QTGAL: variants seen among roughly 807,000 people sequenced by gnomAD.
QTGAL encodes queuosine-tRNA galactosyltransferase.
chr17:83,035,860 GGGC>G, the QTGAL span, among the ~76,000 whole-genome samples: 2 of 131,536 alleles, frequency 1.5e-5, no homozygotes, highest in South Asian at 2.5e-4. Flanking sequence ...GACCCTCGGA[GGGC>G]GGTTTGCACG....
chr17:82,972,355 C>T, the QTGAL span, among the ~76,000 whole-genome samples: 3,408 of 100,874 alleles, frequency 0.034, no homozygotes, highest in Non-Finnish European at 0.042. Flanking sequence ...CACCACACCA[C>T]AGGGGATAGA....
At chr17:83,032,330 G>C in the QTGAL span, among the ~76,000 whole-genome samples, 1 of 134,012 alleles carries the variant, frequency 7.5e-6, no homozygotes, top group Admixed American at 7.5e-5. Flanking sequence ...GACGCAGACC[G>C]AACTCGGGAG....
chr17:82,970,598 G>GCGTGGACGCGACCTCCCCACCCA, the QTGAL span, among the ~76,000 whole-genome samples: 2 of 72,554 alleles, frequency 2.8e-5, no homozygotes, highest in Admixed American at 1.5e-4. Flanking sequence ...CTCCGCACCC[G>GCGTGGACGCGACCTCCCCACCCA]GCGTGGCCGC....
At chr17:82,971,429 G>A in the QTGAL span, among the ~76,000 whole-genome samples, 21 of 152,284 alleles carry the variant, frequency 1.4e-4, no homozygotes, top group African/African-American at 4.3e-4. Context: ...ATGGGCAAGC[G>A]CTGGGGTGGG....
the QTGAL span, chr17:83,005,203 C>G: frequency 6.2e-7 from 1 of 1,605,702 alleles, no homozygotes; most frequent in Non-Finnish European, 8.5e-7. The surrounding 1 kb of genome is among the most constrained non-coding windows in gnomAD (Gnocchi z 5.6). Flanking sequence ...CACTCTGCAA[C>G]CAATGATCTG....
At chr17:82,976,855 CA>C in the QTGAL span, among the ~76,000 whole-genome samples, 2 of 31,470 alleles carry the variant, frequency 6.4e-5, 1 homozygote, top group East Asian at 3.1e-3. Flanking sequence ...TCCATCCTCC[CA>C]GGGACCAGAG....
the QTGAL span, chr17:82,949,915 G>C: frequency 1.3e-5 from 2 of 152,194 alleles, no homozygotes; most frequent in African/African-American, 4.8e-5. Flanking sequence ...TTGGAGGTGT[G>C]GAGGACACAT....
chr17:82,957,194 T>C, the QTGAL span: 1 of 1,614,188 alleles, frequency 6.2e-7, no homozygotes. Context: ...AGAGTCCTCG[T>C]GGCAATAGAA....
chr17:83,032,659 TTGGA>T, the QTGAL span, among the ~76,000 whole-genome samples: 305 of 152,328 alleles, frequency 2.0e-3, no homozygotes, highest in African/African-American at 6.4e-3. Flanking sequence ...GAGGAAAACA[TTGGA>T]TGGACCATCT....
the QTGAL span, among the ~76,000 whole-genome samples, chr17:82,956,197 G>A: frequency 2.0e-5 from 3 of 151,652 alleles, no homozygotes; most frequent in Admixed American, 6.6e-5. This position sits in a 1 kb window ranked among gnomAD's most constrained non-coding sequence, Gnocchi z 5.7. Context: ...TCAGCCCCCC[G>A]CAGCCAGCCT....
chr17:83,051,488 G>C, the QTGAL span, among the ~76,000 whole-genome samples: 1 of 152,212 alleles, frequency 6.6e-6, no homozygotes, highest in Middle Eastern at 3.2e-3. Flanking sequence ...TCGCGGGACG[G>C]GGGCAGGAAG....
chr17:82,958,706 C>T, the QTGAL span, among the ~76,000 whole-genome samples: 1 of 152,142 alleles, frequency 6.6e-6, no homozygotes, highest in Non-Finnish European at 1.5e-5. Context: ...TTTTCCTCCC[C>T]AACCCTCTGC....
chr17:82,957,526 G>A, the QTGAL span: 31 of 1,576,788 alleles, frequency 2.0e-5, no homozygotes, highest in African/African-American at 4.0e-5. Context: ...TAGGCAGGCC[G>A]GAGGCCCCAC....
the QTGAL span, among the ~76,000 whole-genome samples, chr17:83,043,015 G>A: frequency 6.6e-6 from 1 of 152,154 alleles, no homozygotes; most frequent in Non-Finnish European, 1.5e-5. Context: ...CTAACAAGAG[G>A]GTCACAAAAT....
At chr17:82,997,796 G>A in the QTGAL span, among the ~76,000 whole-genome samples, 5 of 151,928 alleles carry the variant, frequency 3.3e-5, no homozygotes, top group Non-Finnish European at 5.9e-5. Flanking sequence ...ACATGTTCTC[G>A]CTTATTTGTG....
At chr17:83,029,522 C>G in the QTGAL span, among the ~76,000 whole-genome samples, 6 of 152,084 alleles carry the variant, frequency 3.9e-5, no homozygotes, top group African/African-American at 7.2e-5. Flanking sequence ...CGAGCTGGCT[C>G]TTGTGTCAGG....
At chr17:82,943,194 G>GTCTT in the QTGAL span, 1 of 152,342 alleles carries the variant, frequency 6.6e-6, no homozygotes, top group Admixed American at 6.5e-5. Context: ...TAATTACACT[G>GTCTT]TCTTAGGAGA....
At chr17:82,985,856 G>A in the QTGAL span, among the ~76,000 whole-genome samples, 2 of 70,920 alleles carry the variant, frequency 2.8e-5, no homozygotes, top group Non-Finnish European at 5.2e-5. Context: ...CATTCTTTAA[G>A]AAAAGCATTA....
the QTGAL span, among the ~76,000 whole-genome samples, chr17:83,045,804 T>C: frequency 1.3e-5 from 2 of 152,038 alleles, no homozygotes; most frequent in African/African-American, 4.8e-5. Flanking sequence ...AAGGAAGATA[T>C]ACATTTATTT....
Sources: allele counts gnomAD v4.1 joint callset (sites outside exome capture counted in the v4.1 genomes callset), GRCh38; gene constraint gnomAD v4.1.1; non-coding constraint Gnocchi (gnomAD v3.1); transcripts MANE v1.5; gene names NCBI Gene and HGNC (gene_info 2026-07-23, HGNC 2026-07-21).